EYS: variants seen among roughly 807,000 people sequenced by gnomAD.
EYS encodes EGF-like photoreceptor maintenance factor, also known as protein eyes shut homolog.
A neutral mutation model predicts 282.1 loss-of-function variants in EYS; 250 were observed. The observed-to-expected ratio is 0.89, with a 90% CI of 0.80 to 0.98. The LOEUF (loss-of-function observed/expected upper bound fraction) is 0.98. EYS is among the 50% of genes least tolerant of loss of function. EYS has a pLI of 0.00. For missense variants in EYS, 4,016 were observed against 3,709.0 expected (o/e 1.08, Z -2.15); for synonymous variants, 1,355 against 1,282.9 (o/e 1.06, Z -1.20).
At chr6:65,621,820 T>C (rs1054299693) in intron 2 of EYS, among the ~76,000 whole-genome samples, 2 of 152,136 alleles carry the variant, frequency 1.3e-5, no homozygotes, top group African/African-American at 4.8e-5. Flanking sequence ...TTCCTTGATG[T>C]GTCTCTTTTA....
At chr6:64,257,155 C>A (rs1202934336) in intron 30 of EYS, among the ~76,000 whole-genome samples, 1 of 152,002 alleles carries the variant, frequency 6.6e-6, no homozygotes, top group Non-Finnish European at 1.5e-5. Flanking sequence ...TTCTCTCTGC[C>A]ATTTAGAACT....
intron 36 of EYS, among the ~76,000 whole-genome samples, chr6:63,839,292 A>G (rs1771888437): frequency 6.6e-6 from 1 of 151,912 alleles, no homozygotes; most frequent in African/African-American, 2.4e-5. Flanking sequence ...TAGCTTCCAT[A>G]TATGAGTGAG....
chr6:65,278,549 A>G (rs951546252), intron 12 of EYS, among the ~76,000 whole-genome samples: 2 of 151,420 alleles, frequency 1.3e-5, no homozygotes, highest in African/African-American at 4.9e-5. Context: ...TTTATTTCTG[A>G]GGATCAATTT....
At chr6:64,391,296 G>T (rs1197326422) in intron 28 of EYS, among the ~76,000 whole-genome samples, 1 of 151,658 alleles carries the variant, frequency 6.6e-6, no homozygotes, top group African/African-American at 2.4e-5. Context: ...TACTCCTCGA[G>T]AAGAGCAACT....
rs538047237 is a variant in EYS at position 65,218,947 on chromosome 6, AAC to A, written c.2023+76914_2023+76915del. Among the ~76,000 whole-genome samples the A allele has an allele frequency of 1.7e-3, 260 of 152,250 alleles. 2 individuals are homozygous for A. The highest frequency in any genetic ancestry group is 5.9e-3 in the African/African-American group (245 of 41,574). On this transcript the variant is annotated intron_variant, in intron 12 of 42. Transcript: ENST00000503581. ...AGTGAACAGTGATAGAAATCAAGATAACTTTTTTTTCCAAAAAGTAAAATAAG... is the reference window on the plus strand; with the variant it reads ...AGTGAACAGTGATAGAAATCAAGATATTTTTTTTCCAAAAAGTAAAATAAG...
intron 2 of EYS, among the ~76,000 whole-genome samples, chr6:65,537,772 T>C (rs1175871726): frequency 2.0e-5 from 3 of 152,298 alleles, no homozygotes; most frequent in African/African-American, 7.2e-5. Flanking sequence ...ATTCATCGGA[T>C]GAGCCATTAG....
intron 7 of EYS, among the ~76,000 whole-genome samples, chr6:65,389,100 C>T (rs1175589037): frequency 3.3e-5 from 5 of 152,076 alleles, no homozygotes; most frequent in African/African-American, 7.2e-5. Context: ...TGCATGTGCC[C>T]TTGTGTCTGT....
intron 12 of EYS, among the ~76,000 whole-genome samples, chr6:65,124,777 T>A (rs78894685): frequency 0.026 from 3,911 of 152,296 alleles, 183 homozygotes; most frequent in African/African-American, 0.09. Flanking sequence ...AGTGTTTGAA[T>A]AGGTGTAATT....
chr6:65,367,605 TA>T (rs1354385376), intron 8 of EYS, among the ~76,000 whole-genome samples: 1 of 151,674 alleles, frequency 6.6e-6, no homozygotes, highest in African/African-American at 2.4e-5. Flanking sequence ...TAATTTATTT[TA>T]TCACTTACAA....
chr6:65,091,052 T>G (rs1292327492), intron 12 of EYS, among the ~76,000 whole-genome samples: 1 of 152,044 alleles, frequency 6.6e-6, no homozygotes, highest in Non-Finnish European at 1.5e-5. Flanking sequence ...CATGCATTTT[T>G]TAGAGTATAA....
intron 14 of EYS, among the ~76,000 whole-genome samples, chr6:64,980,811 A>G (rs1770636446): frequency 6.6e-6 from 1 of 151,450 alleles, no homozygotes; most frequent in Non-Finnish European, 1.5e-5. Context: ...GTGGTTTGTC[A>G]TCTTCCATTT....
chr6:64,545,087 A>C (rs1448572340), intron 26 of EYS, among the ~76,000 whole-genome samples: 1 of 152,234 alleles, frequency 6.6e-6, no homozygotes, highest in Non-Finnish European at 1.5e-5. Flanking sequence ...TTTTAGACCA[A>C]TATCCCTGAT....
At chr6:64,495,416 A>G (rs1185165204) in intron 26 of EYS, among the ~76,000 whole-genome samples, 3 of 151,888 alleles carry the variant, frequency 2.0e-5, no homozygotes, top group African/African-American at 7.2e-5. Context: ...AATAGCCAGG[A>G]AAGTTGGTTC....
In EYS at chr6:64,620,387, T is replaced by TA. The variant is rs147754418; in HGVS notation, c.3569-2855dup. ...TCCACATAGCTCCATGACTTTTTTTTACCAGAAGAATCTGCTAAGACACCC... is the reference window on the plus strand; with the variant it reads ...TCCACATAGCTCCATGACTTTTTTTTAACCAGAAGAATCTGCTAAGACACCC... On this transcript the variant is annotated intron_variant, in intron 23 of 42. Coordinates refer to ENST00000503581, the MANE Select transcript of EYS (RefSeq NM_001142800.2). Among the ~76,000 whole-genome samples the TA allele has an allele frequency of 6.0e-3, 911 of 152,336 alleles. 12 individuals carry two copies. The highest frequency in any genetic ancestry group is 0.021 in the African/African-American group (871 of 41,578).
intron 22 of EYS, among the ~76,000 whole-genome samples, chr6:64,777,356 T>C (rs771749253): frequency 6.6e-6 from 1 of 152,112 alleles, no homozygotes; most frequent in South Asian, 2.1e-4. Flanking sequence ...TGACCCTAAA[T>C]TGGTGGTGAA....
At chr6:64,796,392 C>G (rs1001286521) in intron 22 of EYS, among the ~76,000 whole-genome samples, 1 of 152,048 alleles carries the variant, frequency 6.6e-6, no homozygotes, top group East Asian at 1.9e-4. Flanking sequence ...GAAGAAAAGA[C>G]CAGCAGTGTG....
intron 5 of EYS, among the ~76,000 whole-genome samples, chr6:65,452,672 G>A (rs1248559479): frequency 6.6e-6 from 1 of 152,038 alleles, no homozygotes; most frequent in Non-Finnish European, 1.5e-5. Flanking sequence ...TCTCAAAGAA[G>A]TGTTGTAGTA....
intron 26 of EYS, among the ~76,000 whole-genome samples, chr6:64,513,545 T>C (rs572768116): frequency 2.0e-5 from 3 of 151,854 alleles, no homozygotes; most frequent in Non-Finnish European, 4.4e-5. Flanking sequence ...CAACAAATGA[T>C]TAAGTGCTAA....
intron 12 of EYS, among the ~76,000 whole-genome samples, chr6:65,153,159 C>T (rs1214698997): frequency 6.6e-6 from 1 of 151,824 alleles, no homozygotes; most frequent in Non-Finnish European, 1.5e-5. Flanking sequence ...ATTGAAAATG[C>T]AAGCTACCAT....
Sources: gnomAD v4.1 joint callset for allele counts (sites outside exome capture counted in the v4.1 genomes callset) on GRCh38, gnomAD v4.1.1 for gene constraint, MANE v1.5 for transcripts, NCBI Gene and HGNC (gene_info 2026-07-23, HGNC 2026-07-21) for gene names.